B3GALT1: variants seen among roughly 807,000 people sequenced by gnomAD.
B3GALT1 encodes the protein UDP-Gal:betaGlcNAc beta 1,3-galactosyltransferase, polypeptide 1.
B3GALT1 carries 10 observed loss-of-function variants against 23.2 expected under a neutral mutation model. The observed-to-expected ratio is 0.43, with a 90% CI of 0.27 to 0.73. The LOEUF (loss-of-function observed/expected upper bound fraction) is 0.73. Among genes scored for constraint, B3GALT1 ranks in the 30% least tolerant of loss-of-function variants. The pLI, the probability that B3GALT1 is intolerant of heterozygous loss-of-function variation, is 0.21. For synonymous variants in B3GALT1, 156 were observed against 141.5 expected, an observed-to-expected ratio of 1.10 and a Z score of -0.73; for missense variants, 299 against 405.4, an observed-to-expected ratio of 0.74 and a Z score of 2.25.
At chr2:167,664,509 G>A (rs966306928) in intron 3 of B3GALT1, among the ~76,000 whole-genome samples, 1 of 152,120 alleles carries the variant, frequency 6.6e-6, no homozygotes, top group African/African-American at 2.4e-5. Context: ...AAAGTCATTG[G>A]TAGCTTGATG....
intron 1 of B3GALT1, among the ~76,000 whole-genome samples, chr2:167,327,308 A>G (rs1439877054): frequency 6.6e-6 from 1 of 151,970 alleles, no homozygotes; most frequent in Non-Finnish European, 1.5e-5. Context: ...TGGTATTTTG[A>G]TAGAGATTGC....
At chr2:167,681,337 G>A (rs1263447062) in intron 3 of B3GALT1, among the ~76,000 whole-genome samples, 3 of 151,832 alleles carry the variant, frequency 2.0e-5, no homozygotes, top group Non-Finnish European at 2.9e-5. Flanking sequence ...GACCCAAATC[G>A]TCTGTGAAAT....
At chr2:167,684,052 C>T (rs1474385045) in intron 3 of B3GALT1, among the ~76,000 whole-genome samples, 1 of 152,194 alleles carries the variant, frequency 6.6e-6, no homozygotes, top group Non-Finnish European at 1.5e-5. Flanking sequence ...GGTTAATCGA[C>T]ACCCTCTGTG....
intron 1 of B3GALT1, among the ~76,000 whole-genome samples, chr2:167,488,982 A>C (rs1328885224): frequency 6.6e-6 from 1 of 152,184 alleles, no homozygotes. Flanking sequence ...ACAAAAAAAA[A>C]AAAATACTTT....
chr2:167,394,423 G>A (rs1433317934), intron 1 of B3GALT1, among the ~76,000 whole-genome samples: 2 of 152,052 alleles, frequency 1.3e-5, no homozygotes, highest in African/African-American at 4.8e-5. Flanking sequence ...GTACTGTGCT[G>A]TATTTCTAAA....
At position 167,642,809 on chromosome 2, in the gene B3GALT1, A is replaced by G. The variant is rs193022834; in HGVS notation, c.-409-4100A>G. Among the ~76,000 whole-genome samples, 1,036 of 152,244 alleles carry G rather than the reference A, an allele frequency of 6.8e-3. 7 individuals are homozygous for G. Among genetic ancestry groups the G allele is most frequent in the Non-Finnish European group, 0.011 (729 of 68,018 alleles). Reference sequence around the variant, plus strand: ...TAAACTTTGCAAGAAGAGGGACTTCATATTTTGTGCTCCTATTTTATTCCC... The same window carrying G: ...TAAACTTTGCAAGAAGAGGGACTTCGTATTTTGTGCTCCTATTTTATTCCC... On this transcript the variant is annotated intron_variant, in intron 2 of 4. Coordinates refer to ENST00000392690, the MANE Select transcript of B3GALT1 (RefSeq NM_020981.4).
At chr2:167,448,123 C>T (rs947099082) in intron 1 of B3GALT1, among the ~76,000 whole-genome samples, 4 of 152,130 alleles carry the variant, frequency 2.6e-5, no homozygotes, top group Admixed American at 2.0e-4. Flanking sequence ...GACTTCTTTC[C>T]TCTGGGTAGA....
At chr2:167,791,377 G>A (rs1688436178) in intron 3 of B3GALT1, among the ~76,000 whole-genome samples, 1 of 152,140 alleles carries the variant, frequency 6.6e-6, no homozygotes, top group South Asian at 2.1e-4. Context: ...TTTAGATATG[G>A]AAGGAAATTA....
At chr2:167,485,009 T>C (rs567148628) in intron 1 of B3GALT1, among the ~76,000 whole-genome samples, 6 of 152,246 alleles carry the variant, frequency 3.9e-5, no homozygotes, top group Middle Eastern at 3.4e-3. Flanking sequence ...TCTGTTTCAG[T>C]GCTAATGCTG....
chr2:167,303,483 A>G (rs1696488314), intron 1 of B3GALT1, among the ~76,000 whole-genome samples: 2 of 152,072 alleles, frequency 1.3e-5, no homozygotes, highest in South Asian at 4.1e-4. Context: ...ATACCTCTGG[A>G]AGAGATTAGC....
In B3GALT1 at chr2:167,303,644, T is replaced by TACAC. The variant is rs61323885; in HGVS notation, c.-511+10346_-511+10349dup. The stretch of plus-strand genomic sequence containing the variant: ...TCTCCTGCTCTTGGAAACACACACA[T>TACAC]ACACACACACACACACACACACACA... On this transcript the variant is annotated intron_variant, in intron 1 of 4. Transcript: ENST00000392690. Among the ~76,000 whole-genome samples, 585 of 144,994 alleles carry TACAC rather than the reference T, an allele frequency of 4.0e-3. 6 individuals are homozygous for TACAC. The highest frequency in any genetic ancestry group is 0.014 in the African/African-American group (532 of 38,436).
chr2:167,828,315 A>G (rs1689271085), intron 4 of B3GALT1, among the ~76,000 whole-genome samples: 1 of 152,160 alleles, frequency 6.6e-6, no homozygotes, highest in Non-Finnish European at 1.5e-5. Flanking sequence ...TCCTAATAGC[A>G]CAAAATTGCT....
intron 2 of B3GALT1, among the ~76,000 whole-genome samples, chr2:167,564,696 A>G (rs535153716): frequency 1.3e-5 from 2 of 152,348 alleles, no homozygotes; most frequent in African/African-American, 4.8e-5. Flanking sequence ...CCAAATCACA[A>G]GCATTCTTAT....
chr2:167,305,751 AGC>A (rs1430036998), intron 1 of B3GALT1, among the ~76,000 whole-genome samples: 1 of 152,098 alleles, frequency 6.6e-6, no homozygotes, highest in Non-Finnish European at 1.5e-5. Flanking sequence ...ATGATCTTTC[AGC>A]ATCTGTTTAA....
At position 167,346,907 on chromosome 2, in the gene B3GALT1, A is replaced by G. The variant is rs73017767; in HGVS notation, c.-511+53573A>G. On this transcript the variant is annotated intron_variant, in intron 1 of 4. Coordinates refer to ENST00000392690, the MANE Select transcript of B3GALT1 (RefSeq NM_020981.4). ...GCTCAAAACTATCGATCCGCTGTTT[A>G]TCAGGCATTATGACTAAAGCTCTGA... Among the ~76,000 whole-genome samples, 1,341 of 152,302 alleles carry G rather than the reference A, an allele frequency of 8.8e-3. 19 individuals are homozygous for G. The highest frequency in any genetic ancestry group is 0.028 in the African/African-American group (1,150 of 41,566).
At chr2:167,736,439 G>A (rs1257246629) in intron 3 of B3GALT1, among the ~76,000 whole-genome samples, 2 of 152,180 alleles carry the variant, frequency 1.3e-5, no homozygotes, top group Non-Finnish European at 2.9e-5. Flanking sequence ...GGGGTTCAAG[G>A]CAGTGGTGGA....
At chr2:167,830,848 A>G (rs1000588892) in intron 4 of B3GALT1, among the ~76,000 whole-genome samples, 1 of 152,226 alleles carries the variant, frequency 6.6e-6, no homozygotes, top group African/African-American at 2.4e-5. Flanking sequence ...CCCAGGAAGC[A>G]GCAGCGTGAG....
intron 2 of B3GALT1, among the ~76,000 whole-genome samples, chr2:167,554,125 G>GT: frequency 6.6e-6 from 1 of 152,288 alleles, no homozygotes; most frequent in East Asian, 1.9e-4. Context: ...CCTGCAAACT[G>GT]TATGACTTTG....
chr2:167,804,102 G>A (rs534315874), intron 3 of B3GALT1, among the ~76,000 whole-genome samples: 11 of 152,184 alleles, frequency 7.2e-5, no homozygotes, highest in African/African-American at 2.4e-4. Flanking sequence ...ACATTCTCCT[G>A]CCTCAGACTC....
Sources: allele counts gnomAD v4.1 joint callset (sites outside exome capture counted in the v4.1 genomes callset), GRCh38; gene constraint gnomAD v4.1.1; transcripts MANE v1.5; gene names NCBI Gene and HGNC (gene_info 2026-07-23, HGNC 2026-07-21).